MAP2K5: variants seen among roughly 807,000 people sequenced by gnomAD.
The protein encoded by MAP2K5 is dual specificity mitogen-activated protein kinase kinase 5.
Under a neutral mutation model 83.1 loss-of-function variants are expected in MAP2K5, and 49 were observed. That is an observed-to-expected ratio of 0.59 (90% CI 0.47 to 0.75). The LOEUF (loss-of-function observed/expected upper bound fraction) is 0.75. MAP2K5 is among the 30% of genes least tolerant of loss of function. The pLI, the probability that MAP2K5 is intolerant of heterozygous loss-of-function variation, is 0.00. For missense variants in MAP2K5, 457 were observed against 557.5 expected (o/e 0.82, Z 1.82); for synonymous variants, 202 against 191.8 (o/e 1.05, Z -0.44).
rs964310441 is a variant in MAP2K5, at chr15:67,722,383, A to G, written c.1045-5533A>G. Among the ~76,000 whole-genome samples the G allele has an allele frequency of 6.6e-6, 1 of 151,368 alleles. No homozygotes were observed. Among genetic ancestry groups the G allele is most frequent in the African/African-American group, 2.4e-5 (1 of 41,066 alleles). On this transcript the variant is annotated intron_variant, in intron 16 of 21. Coordinates refer to ENST00000178640, the MANE Select transcript of MAP2K5 (RefSeq NM_145160.3). The surrounding 1 kb of genome is among the most constrained non-coding windows in gnomAD (Gnocchi z 4.2). ...TTTTTTTTTGGTCCTGCATTACTAA[A>G]TCCTCCACATTTAATTGAAACCCTA... is the stretch of plus-strand genomic sequence containing the variant.
chr15:67,797,164 C>G (rs531952885), intron 21 of MAP2K5, among the ~76,000 whole-genome samples: 1 of 152,334 alleles, frequency 6.6e-6, no homozygotes, highest in Non-Finnish European at 1.5e-5. Flanking sequence ...TGATCACTCC[C>G]TTCTTACATG....
Position 67,577,530 on chromosome 15 carries a change from T to A in MAP2K5, c.253-3224T>A, listed in dbSNP as rs933828447. Among the ~76,000 whole-genome samples, 29 of 152,370 alleles carry A rather than the reference T, an allele frequency of 1.9e-4. No homozygotes were observed. Among genetic ancestry groups the A allele is most frequent in the Middle Eastern group, 6.8e-3 (2 of 294 alleles). On this transcript the variant is annotated intron_variant, in intron 3 of 21. Coordinates refer to ENST00000178640, the MANE Select transcript of MAP2K5 (RefSeq NM_145160.3). This position sits in a 1 kb window ranked among gnomAD's most constrained non-coding sequence, Gnocchi z 4.1. ...TCTGTCCAAGCTATTATGTTCAGTA[T>A]CTTAGTGTACAAAGTTTAGGGGTGT...
rs1161918415 is a variant in MAP2K5 at position 67,738,288 on chromosome 15, A to G, written c.1075-9943A>G. On this transcript the variant is annotated intron_variant, in intron 17 of 21. Transcript: ENST00000178640. This position sits in a 1 kb window ranked among gnomAD's most constrained non-coding sequence, Gnocchi z 4.1. ...GAGAGCACTCTTCTGGGCATAAGGC[A>G]TGAGGCGACCTGGACTCCAGGCCTA... 1.3e-5 allele frequency among the ~76,000 whole-genome samples: 2 copies of G among 152,364 alleles called. No individual in the cohort carries two copies. The highest frequency in any genetic ancestry group is 3.9e-4 in the East Asian group (2 of 5,184).
chr15:67,617,125 G>A (rs747066015), intron 8 of MAP2K5, among the ~76,000 whole-genome samples: 12 of 152,070 alleles, frequency 7.9e-5, no homozygotes, highest in Non-Finnish European at 1.6e-4. Context: ...GGCAAAAAAG[G>A]GGTATTTCCG....
chr15:67,546,256 T>A (rs2084387183), intron 1 of MAP2K5: 1 of 152,302 alleles, frequency 6.6e-6, no homozygotes. Flanking sequence ...CCTTAAACTT[T>A]AAAGTCACGT....
intron 7 of MAP2K5, among the ~76,000 whole-genome samples, chr15:67,599,183 TA>T (rs1020498901): frequency 2.0e-4 from 31 of 152,336 alleles, no homozygotes; most frequent in African/African-American, 7.0e-4. Context: ...CAGCTTAAAA[TA>T]TTTTTTTTCT....
chr15:67,806,782 A>C lies in MAP2K5; in HGVS notation c.*32A>C. 5 of 1,588,012 alleles carry C rather than the reference A, an allele frequency of 3.1e-6. No homozygotes were observed. The highest frequency in any genetic ancestry group is 4.3e-6 in the Non-Finnish European group (5 of 1,172,826). On this transcript the variant is annotated 3_prime_UTR_variant, in exon 22 of 22. Transcript: ENST00000178640. ...CGCAGGGCACTGAAAGCCCAGGACC[A>C]GTAACCAAGGAGAACAACCCACCCG...
At chr15:67,627,994 C>A in intron 8 of MAP2K5, 1 of 737,044 alleles carries the variant, frequency 1.4e-6, no homozygotes, top group Non-Finnish European at 2.4e-6. Context: ...ATGAGAGATC[C>A]AAGCACCAAG....
chr15:67,595,821 A>G (rs1013876719), intron 7 of MAP2K5, among the ~76,000 whole-genome samples: 5 of 152,156 alleles, frequency 3.3e-5, no homozygotes. Context: ...TGTTTTTCCT[A>G]CTTCAGTTAT....
At chr15:67,673,595 A>G (rs1171321369) in intron 13 of MAP2K5, among the ~76,000 whole-genome samples, 1 of 152,168 alleles carries the variant, frequency 6.6e-6, no homozygotes, top group Non-Finnish European at 1.5e-5. Flanking sequence ...GATTTGGGGC[A>G]AAAATAAATT....
chr15:67,753,159 G>A (rs1271555846), intron 19 of MAP2K5, among the ~76,000 whole-genome samples: 1 of 152,056 alleles, frequency 6.6e-6, no homozygotes, highest in African/African-American at 2.4e-5. Flanking sequence ...GAATAAATTT[G>A]GACCCCTACC....
intron 8 of MAP2K5, among the ~76,000 whole-genome samples, chr15:67,618,389 A>G (rs1453091467): frequency 2.0e-5 from 3 of 152,138 alleles, no homozygotes; most frequent in African/African-American, 7.2e-5. Context: ...CCTCAGTTCC[A>G]GTCCTTACAC....
rs56896938 is a variant in MAP2K5 at position 67,575,922 on chromosome 15, T to TCTTTC, written c.253-4832_253-4831insCTTTC. 3.3e-3 allele frequency among the ~76,000 whole-genome samples: 192 copies of TCTTTC among 58,376 alleles called. 1 individual carries two copies. Among genetic ancestry groups the TCTTTC allele is most frequent in the African/African-American group, 5.8e-3 (103 of 17,876 alleles). 38.3% of individuals were successfully genotyped at this position (58,376 alleles called of 152,430 possible). A position where few individuals can be genotyped will look rare whatever the true frequency, so the allele number is the denominator to read the frequency against. On this transcript the variant is annotated intron_variant, in intron 3 of 21. Transcript: ENST00000178640. The stretch of plus-strand genomic sequence containing the variant: ...TTTCTTTCTTTCTTTCTTTCTTTTT[T>TCTTTC]TTTTTTTTTTTTTTTAAGATGGAGT...
chr15:67,591,344 C>CAA (rs1034766907), intron 6 of MAP2K5, among the ~76,000 whole-genome samples: 1 of 132,126 alleles, frequency 7.6e-6, no homozygotes. Flanking sequence ...GACTCTGTCT[C>CAA]AAAAAAAAAA....
intron 16 of MAP2K5, 86 bp downstream of exon 16, chr15:67,703,494 TA>T: frequency 8.9e-7 from 1 of 1,120,522 alleles, no homozygotes. Context: ...AAGAATAAGC[TA>T]AAATAAACCT....
chr15:67,590,690 G>A (rs1303550793), intron 6 of MAP2K5, among the ~76,000 whole-genome samples: 4 of 152,022 alleles, frequency 2.6e-5, no homozygotes, highest in African/African-American at 9.7e-5. Context: ...CTGGGCTCAA[G>A]CGATCCTCCT....
At chr15:67,639,662 T>C (rs1374159889) in intron 9 of MAP2K5, among the ~76,000 whole-genome samples, 1 of 152,184 alleles carries the variant, frequency 6.6e-6, no homozygotes, top group Non-Finnish European at 1.5e-5. Flanking sequence ...CCAGATAAAC[T>C]AAAGACTTTA....
chr15:67,720,365 TACAC>T lies in MAP2K5; in HGVS notation c.1045-7543_1045-7540del, dbSNP rs962102926. ...ATATATATCTATATATATACACACTTACACACACACAAGGAAAAAAAGAAAATGA... is the reference window on the plus strand; with the variant it reads ...ATATATATCTATATATATACACACTTACACACAAGGAAAAAAAGAAAATGA... On this transcript the variant is annotated intron_variant, in intron 16 of 21. Coordinates refer to ENST00000178640, the MANE Select transcript of MAP2K5 (RefSeq NM_145160.3). This position sits in a 1 kb window ranked among gnomAD's most constrained non-coding sequence, Gnocchi z 5.7. Among the ~76,000 whole-genome samples the T allele has an allele frequency of 5.3e-5, 8 of 151,880 alleles. No homozygotes were observed. Among genetic ancestry groups the T allele is most frequent in the African/African-American group, 9.7e-5 (4 of 41,328 alleles).
intron 17 of MAP2K5, among the ~76,000 whole-genome samples, chr15:67,741,895 A>G (rs1265986033): frequency 2.0e-5 from 3 of 146,698 alleles, no homozygotes; most frequent in African/African-American, 7.4e-5. Context: ...AATAAGAAAG[A>G]ACTTTTTTTT....
Sources: gnomAD v4.1 joint callset for allele counts (sites outside exome capture counted in the v4.1 genomes callset) on GRCh38, gnomAD v4.1.1 for gene constraint, Gnocchi (gnomAD v3.1) non-coding constraint, MANE v1.5 for transcripts, NCBI Gene and HGNC (gene_info 2026-07-23, HGNC 2026-07-21) for gene names.